The following XIRP2 variants were observed in gnomAD, a reference collection of about 807,000 sequenced individuals.
XIRP2 encodes the protein xin actin binding repeat containing 2, also known as xin actin-binding repeat-containing protein 2.
XIRP2 carries 236 observed loss-of-function variants against 277.0 expected under a neutral mutation model. The ratio of observed to expected loss-of-function variants is 0.85; its 90% CI spans 0.77 to 0.95. The LOEUF (loss-of-function observed/expected upper bound fraction) is 0.95, where lower values mean the gene tolerates loss of function less well. Ranked by LOEUF, XIRP2 falls within the 40% of genes least tolerant of loss-of-function variation. XIRP2 has a pLI of 0.00. For synonymous variants in XIRP2, 1,490 were observed against 1,416.5 expected, an observed-to-expected ratio of 1.05 and a Z score of -1.17; for missense variants, 4,640 against 4,157.5, an observed-to-expected ratio of 1.12 and a Z score of -3.19.
rs926571704 is a variant in XIRP2, at chr2:167,075,285, A to C, written c.409-60624A>C. Among the ~76,000 whole-genome samples the C allele has an allele frequency of 1.0e-3, 153 of 152,276 alleles. 1 individual carries two copies. The highest frequency in any genetic ancestry group is 3.5e-3 in the African/African-American group (146 of 41,574). ...AGAGGGAGGTGAAGAAGAAAGGGAG[A>C]GAGGAAGTGGTATTTAGAAATGTGG... On this transcript the variant is annotated intron_variant, in intron 2 of 10. Coordinates refer to ENST00000409195, the MANE Select transcript of XIRP2 (RefSeq NM_152381.6).
intron 2 of XIRP2, among the ~76,000 whole-genome samples, chr2:166,942,642 A>C (rs1046870143): frequency 1.6e-4 from 25 of 152,364 alleles, no homozygotes; most frequent in African/African-American, 6.0e-4. Context: ...CATATTTCAT[A>C]AGTTTGTACT....
intron 2 of XIRP2, among the ~76,000 whole-genome samples, chr2:166,926,116 C>A (rs1290120528): frequency 1.3e-5 from 2 of 151,878 alleles, no homozygotes; most frequent in Admixed American, 1.3e-4. Context: ...GCACCTTTGA[C>A]AATCAGGTAT....
At chr2:167,196,847 T>A (rs1693535197) in intron 3 of XIRP2, among the ~76,000 whole-genome samples, 1 of 151,982 alleles carries the variant, frequency 6.6e-6, no homozygotes, top group South Asian at 2.1e-4. Context: ...TGTGCGTAGG[T>A]ATGTGTGTGG....
chr2:167,158,591 C>T (rs1481871451), intron 3 of XIRP2, among the ~76,000 whole-genome samples: 1 of 152,160 alleles, frequency 6.6e-6, no homozygotes, highest in Non-Finnish European at 1.5e-5. Context: ...TGTGCTTTCA[C>T]AGTATATAAA....
rs531626344 is a variant in XIRP2, at chr2:166,943,807, G to A, written c.408+39917G>A. ...TCACCAGTTGTTCCCCCAAGAGAAG[G>A]GCTGGATCATAGATGTAATTTTTAG... On this transcript the variant is annotated intron_variant, in intron 2 of 10. Coordinates refer to ENST00000409195, the MANE Select transcript of XIRP2 (RefSeq NM_152381.6). 4.6e-5 allele frequency among the ~76,000 whole-genome samples: 7 copies of A among 152,238 alleles called. No homozygotes were observed. In the East Asian group the frequency reaches 9.7e-4, roughly 21 times the overall value.
At chr2:166,953,650 A>G (rs1279469384) in intron 2 of XIRP2, among the ~76,000 whole-genome samples, 2 of 151,962 alleles carry the variant, frequency 1.3e-5, no homozygotes, top group East Asian at 1.9e-4. Flanking sequence ...TTGCCTTTGA[A>G]TAGGAAGTAG....
chr2:167,202,251 C>T, intron 3 of XIRP2, among the ~76,000 whole-genome samples: 1 of 152,170 alleles, frequency 6.6e-6, no homozygotes, highest in East Asian at 1.9e-4. Flanking sequence ...GGCCAAATCT[C>T]TAAGCTAACC....
Position 167,114,219 on chromosome 2 carries a change from G to A in XIRP2, c.409-21690G>A, listed in dbSNP as rs75278743. Among the ~76,000 whole-genome samples, 101 of 152,268 alleles carry A rather than the reference G, an allele frequency of 6.6e-4. No homozygotes were observed. In the East Asian group the frequency reaches 0.014, roughly 22 times the overall value. On this transcript the variant is annotated intron_variant, in intron 2 of 10. Coordinates refer to ENST00000409195, the MANE Select transcript of XIRP2 (RefSeq NM_152381.6). The stretch of plus-strand genomic sequence containing the variant: ...TTTCATTGTTAATATCCTGAGATAC[G>A]TTTCGCAAGTTGCTTGTTTTCTTTC...
intron 2 of XIRP2, among the ~76,000 whole-genome samples, chr2:167,089,270 T>C (rs1466744832): frequency 6.6e-6 from 1 of 152,106 alleles, no homozygotes; most frequent in African/African-American, 2.4e-5. Context: ...TAAAACTCAT[T>C]ATTAGAGATT....
intron 2 of XIRP2, among the ~76,000 whole-genome samples, chr2:167,087,749 C>G (rs542365037): frequency 6.6e-6 from 1 of 152,326 alleles, no homozygotes; most frequent in South Asian, 2.1e-4. Context: ...AAAGGGAACT[C>G]CCTGACCCCT....
At chr2:166,975,044 T>A (rs965660261) in intron 2 of XIRP2, among the ~76,000 whole-genome samples, 9 of 152,230 alleles carry the variant, frequency 5.9e-5, no homozygotes, top group African/African-American at 2.2e-4. Flanking sequence ...ATCAAAAGTA[T>A]AATTTCATCC....
chr2:167,182,449 A>G (rs1693043516), intron 3 of XIRP2, among the ~76,000 whole-genome samples: 2 of 152,186 alleles, frequency 1.3e-5, no homozygotes, highest in South Asian at 4.1e-4. Context: ...GCCTTGCCAG[A>G]GCCTACCTAT....
intron 2 of XIRP2, among the ~76,000 whole-genome samples, chr2:167,105,525 A>G (rs1354343288): frequency 6.6e-6 from 1 of 151,958 alleles, no homozygotes; most frequent in Non-Finnish European, 1.5e-5. Context: ...CATGATATAG[A>G]CATACCAGAT....
intron 2 of XIRP2, among the ~76,000 whole-genome samples, chr2:167,020,740 A>G (rs1162945421): frequency 1.3e-5 from 2 of 152,020 alleles, no homozygotes; most frequent in Non-Finnish European, 2.9e-5. Context: ...AATGTCTTAA[A>G]TGAAAGAAAT....
At position 167,242,616 on chromosome 2, in the gene XIRP2, T is replaced by C. The variant is rs1479410269; in HGVS notation, c.1224T>C (p.Ser408=). 7 of 1,613,958 alleles carry C rather than the reference T, an allele frequency of 4.3e-6. No individual in the cohort carries two copies. In the East Asian group the frequency reaches 1.1e-4, roughly 26 times the overall value. Residue 408 remains serine, a synonymous_variant, in exon 9 of 11, where the codon AGT becomes AGC. Transcript: ENST00000409195. ...EETFKPSSVV[S]TSSTSCVSTS... ...CTTTCAAGCCATCATCAGTTGTGAG[T>C]ACCTCTTCCACTTCTTGCGTTTCAA...
At position 167,248,539 on chromosome 2, in the gene XIRP2, T is replaced by C. The variant is rs1422194835; in HGVS notation, c.7147T>C (p.Ser2383Pro). Residue 2383 changes from serine (S) to proline (P), a missense_variant, in exon 9 of 11, where the codon TCT becomes CCT. Transcript: ENST00000409195. ...SQKPAHLLSSSAPEKHSGDFM... is the reference protein window; with the variant it reads ...SQKPAHLLSSPAPEKHSGDFM... Reference sequence around the variant, plus strand: ...AAAGCCAGCACATCTCCTTTCCTCCTCTGCTCCGGAAAAGCACAGTGGAGA... The same window carrying C: ...AAAGCCAGCACATCTCCTTTCCTCCCCTGCTCCGGAAAAGCACAGTGGAGA... The C allele has an allele frequency of 6.2e-7, 1 of 1,613,724 alleles. No homozygotes were observed. Among genetic ancestry groups the C allele is most frequent in the East Asian group, 2.2e-5 (1 of 44,850 alleles).
intron 3 of XIRP2, among the ~76,000 whole-genome samples, chr2:167,164,445 CAAAAAAAAAAAAAAAA>C (rs36066566): frequency 6.4e-5 from 3 of 46,642 alleles, no homozygotes; most frequent in African/African-American, 2.4e-4. Context: ...GACTCCGTCT[CAAAAAAAAAAAAAAAA>C]AAAAAAAAAG....
At chr2:167,111,722 TG>T (rs1690761311) in intron 2 of XIRP2, among the ~76,000 whole-genome samples, 1 of 152,150 alleles carries the variant, frequency 6.6e-6, no homozygotes, top group Admixed American at 6.6e-5. Flanking sequence ...CTCAATTTTT[TG>T]GAATAATTTC....
intron 2 of XIRP2, among the ~76,000 whole-genome samples, chr2:166,921,948 C>T (rs1685052724): frequency 6.6e-6 from 1 of 152,144 alleles, no homozygotes; most frequent in Admixed American, 6.5e-5. Flanking sequence ...TGTCTTACCA[C>T]TCTATATGCC....
Sources: gnomAD v4.1 joint callset for allele counts (sites outside exome capture counted in the v4.1 genomes callset) on GRCh38, gnomAD v4.1.1 for gene constraint, MANE v1.5 for transcripts, NCBI Gene and HGNC (gene_info 2026-07-23, HGNC 2026-07-21) for gene names.